TARBP1: variants seen among roughly 807,000 people sequenced by gnomAD.
TARBP1 encodes the protein tRNA (guanosine(18)-2'-O)-methyltransferase TARBP1.
Under a neutral mutation model 178.6 loss-of-function variants are expected in TARBP1, and 144 were observed. The ratio of observed to expected loss-of-function variants is 0.81; its 90% CI spans 0.70 to 0.93. TARBP1 has a LOEUF of 0.93. TARBP1 is among the 40% of genes least tolerant of loss of function. The probability of loss-of-function intolerance (pLI) is 0.00; values close to 1 mark genes in which losing one functional copy is unlikely to be tolerated. For synonymous variants in TARBP1, 787 were observed against 781.0 expected, an observed-to-expected ratio of 1.01 and a Z score of -0.13; for missense variants, 2,067 against 2,011.7, an observed-to-expected ratio of 1.03 and a Z score of -0.53.
chr1:234,436,667 A>G (rs1665055666), intron 13 of TARBP1, among the ~76,000 whole-genome samples: 1 of 152,230 alleles, frequency 6.6e-6, no homozygotes, highest in African/African-American at 2.4e-5. Context: ...TTGGCAATGT[A>G]AGCATTCAAA....
chr1:234,409,405 G>C (rs1429621562), intron 23 of TARBP1, among the ~76,000 whole-genome samples: 1 of 152,148 alleles, frequency 6.6e-6, no homozygotes, highest in Non-Finnish European at 1.5e-5. Context: ...GACAATGTCT[G>C]CTCTGTTTTA....
At chr1:234,431,839 T>C (rs1664458820) in intron 14 of TARBP1, among the ~76,000 whole-genome samples, 1 of 152,162 alleles carries the variant, frequency 6.6e-6, no homozygotes, top group South Asian at 2.1e-4. Context: ...TATTGTGCCA[T>C]GTTTAAGAAA....
chr1:234,412,221 A>G (rs550747337), intron 22 of TARBP1, among the ~76,000 whole-genome samples: 4 of 152,200 alleles, frequency 2.6e-5, no homozygotes, highest in Non-Finnish European at 5.9e-5. Context: ...CAGGAGTTCG[A>G]TATCAGCCTG....
chr1:234,465,533 T>G (rs889774436), intron 5 of TARBP1, 123 bp downstream of exon 5: 1 of 778,042 alleles, frequency 1.3e-6, no homozygotes, highest in Admixed American at 3.0e-5. Context: ...GACCACATGA[T>G]AAGAAAAACT....
At position 234,401,240 on chromosome 1, in the gene TARBP1, G is replaced by A. The variant is rs143561161; in HGVS notation, c.4012C>T (p.Arg1338Cys). Reference sequence around the variant, plus strand: ...GCAAAAAAGAAATGCTCCTGAATGCGTTGCCAATTCTTCTTGGCATTCCTA... The same window carrying A: ...GCAAAAAAGAAATGCTCCTGAATGCATTGCCAATTCTTCTTGGCATTCCTA... ...GAGNAKKNWQ[R>C]IQEHFFFATF... The change falls in exon 25 of 30, where the codon CGC becomes TGC. Residue 1338 changes from arginine (R) to cysteine (C), a missense_variant. By Grantham distance (180) the Arg-to-Cys change is radical (BLOSUM62 -3). Coordinates refer to ENST00000040877, the MANE Select transcript of TARBP1 (RefSeq NM_005646.4). 1.2e-3 allele frequency: 1,894 copies of A among 1,613,140 alleles called. 25 individuals are homozygous for A. In the African/African-American group the frequency reaches 0.022, roughly 19 times the overall value.
intron 9 of TARBP1, among the ~76,000 whole-genome samples, chr1:234,455,867 A>G: frequency 6.6e-6 from 1 of 152,172 alleles, no homozygotes; most frequent in East Asian, 1.9e-4. Flanking sequence ...AACCACTAAA[A>G]TCCCAAAACA....
intron 1 of TARBP1, among the ~76,000 whole-genome samples, chr1:234,474,245 AACAC>A (rs35976593): frequency 0.034 from 2,778 of 81,530 alleles, 36 homozygotes; most frequent in African/African-American, 0.055. Flanking sequence ...TTGTCTCTAA[AACAC>A]ACACACACAC....
intron 23 of TARBP1, 46 bp downstream of exon 23, chr1:234,410,399 A>C (rs1414152716): frequency 8.4e-7 from 1 of 1,195,898 alleles, no homozygotes; most frequent in South Asian, 1.4e-5. Context: ...AAATACATAC[A>C]ATTCTTTTTT....
chr1:234,456,996 T>A (rs1667344936), intron 9 of TARBP1, among the ~76,000 whole-genome samples: 1 of 152,076 alleles, frequency 6.6e-6, no homozygotes, highest in Non-Finnish European at 1.5e-5. Flanking sequence ...AAATAACAAA[T>A]AAGCACTGAA....
intron 1 of TARBP1, among the ~76,000 whole-genome samples, chr1:234,475,317 C>T (rs778045475): frequency 2.2e-4 from 34 of 152,234 alleles, no homozygotes; most frequent in Non-Finnish European, 4.3e-4. Context: ...CCCTCCCACA[C>T]TCTCACCCTT....
chr1:234,391,814 T>C (rs192756212), intron 29 of TARBP1, 69 bp from the exon 30 acceptor site: 63 of 1,477,860 alleles, frequency 4.3e-5, no homozygotes, highest in Non-Finnish European at 1.7e-5. Flanking sequence ...ATATTCTTTT[T>C]ATTTTTTGTT....
At chr1:234,452,667 C>T (rs189716026) in intron 9 of TARBP1, among the ~76,000 whole-genome samples, 6 of 152,230 alleles carry the variant, frequency 3.9e-5, no homozygotes, top group Admixed American at 3.9e-4. Context: ...TTCTCTAAAA[C>T]TAAACATAAT....
At chr1:234,403,676 C>A (rs147131106) in intron 24 of TARBP1, among the ~76,000 whole-genome samples, 4 of 151,968 alleles carry the variant, frequency 2.6e-5, no homozygotes, top group Non-Finnish European at 4.4e-5. Context: ...GCCCAGGGTG[C>A]CTTATTTATT....
intron 8 of TARBP1, among the ~76,000 whole-genome samples, chr1:234,458,429 T>C (rs1667510630): frequency 6.6e-6 from 1 of 152,210 alleles, no homozygotes; most frequent in Non-Finnish European, 1.5e-5. Context: ...CCCTTAAGGT[T>C]GTACATCTTG....
At chr1:234,435,123 G>A (rs1265331243) in intron 13 of TARBP1, among the ~76,000 whole-genome samples, 1 of 152,142 alleles carries the variant, frequency 6.6e-6, no homozygotes, top group Non-Finnish European at 1.5e-5. Context: ...GCGCTAGAAG[G>A]GAACATGAAA....
chr1:234,408,804 T>C (rs1351738088), intron 23 of TARBP1, among the ~76,000 whole-genome samples: 1 of 152,222 alleles, frequency 6.6e-6, no homozygotes, highest in Non-Finnish European at 1.5e-5. Flanking sequence ...GGGAGATCGA[T>C]TTGAGTACTA....
intron 29 of TARBP1, 75 bp downstream of exon 29, chr1:234,392,341 C>CA (rs368216470): frequency 0.085 from 128,400 of 1,511,730 alleles, 4,314 homozygotes; most frequent in Middle Eastern, 0.094. Context: ...GTCTCAAAAA[C>CA]AAAAAAAAAC....
In TARBP1 at chr1:234,425,685, C is replaced by T; in HGVS notation, c.3432G>A (p.Lys1144=). The T allele has an allele frequency of 6.2e-7, 1 of 1,611,718 alleles. No individual in the cohort carries two copies. The highest frequency in any genetic ancestry group is 2.2e-5 in the East Asian group (1 of 44,802). ...HKLFIEDLAI[K]LLDKDELVSK... is the part of the protein sequence containing the mutation. Reference sequence around the variant, plus strand: ...AAAATACACTTACTTTATCTAATAGCTTGATTGCAAGATCCTCAATAAACA... The same window carrying T: ...AAAATACACTTACTTTATCTAATAGTTTGATTGCAAGATCCTCAATAAACA... Residue 1144 remains lysine, a synonymous_variant, in exon 20 of 30, where the codon AAG becomes AAA. Coordinates refer to ENST00000040877, the MANE Select transcript of TARBP1 (RefSeq NM_005646.4).
intron 10 of TARBP1, among the ~76,000 whole-genome samples, chr1:234,449,253 G>C (rs1666497089): frequency 6.6e-6 from 1 of 152,156 alleles, no homozygotes; most frequent in African/African-American, 2.4e-5. Flanking sequence ...AAAGGCAATA[G>C]GAAGCCACTG....
Sources: allele counts gnomAD v4.1 joint callset (sites outside exome capture counted in the v4.1 genomes callset), GRCh38; gene constraint gnomAD v4.1.1; transcripts MANE v1.5; gene names NCBI Gene and HGNC (gene_info 2026-07-23, HGNC 2026-07-21).